KAZN: variants seen among roughly 807,000 people sequenced by gnomAD.
KAZN encodes the protein kazrin, periplakin interacting protein.
A neutral mutation model predicts 87.4 loss-of-function variants in KAZN; 40 were observed. The ratio of observed to expected loss-of-function variants is 0.46; its 90% CI spans 0.36 to 0.60. The LOEUF (loss-of-function observed/expected upper bound fraction) is 0.60, where lower values mean the gene tolerates loss of function less well. Ranked by LOEUF, KAZN falls within the 20% of genes least tolerant of loss-of-function variation. The pLI is 0.00. For synonymous variants in KAZN, 466 were observed against 458.3 expected (o/e 1.02, Z -0.22); for missense variants, 898 against 1,073.9 (o/e 0.84, Z 2.29).
intron 1 of KAZN, among the ~76,000 whole-genome samples, chr1:14,602,852 T>C (rs1572025843): frequency 6.6e-6 from 1 of 152,256 alleles, no homozygotes; most frequent in African/African-American, 2.4e-5. Context: ...TGTATTTGTA[T>C]TCCTATGCAA....
At chr1:14,975,997 A>G (rs1176926804) in intron 2 of KAZN, among the ~76,000 whole-genome samples, 2 of 139,434 alleles carry the variant, frequency 1.4e-5, no homozygotes, top group Non-Finnish European at 1.5e-5. Flanking sequence ...ATGCCACTGC[A>G]CTCCAGCCTG....
At chr1:14,153,372 A>G (rs1422509781) in intron 1 of KAZN, among the ~76,000 whole-genome samples, 2 of 152,194 alleles carry the variant, frequency 1.3e-5, no homozygotes, top group Non-Finnish European at 2.9e-5. Context: ...CCATTTTCGT[A>G]TATGTTGAGA....
intron 2 of KAZN, among the ~76,000 whole-genome samples, chr1:14,553,213 GA>G (rs1673650471): frequency 6.6e-6 from 1 of 151,998 alleles, no homozygotes; most frequent in Non-Finnish European, 1.5e-5. Flanking sequence ...TGTCTCTACT[GA>G]AAACACAAAA....
At chr1:14,055,118 A>G (rs1304916177) in intron 1 of KAZN, among the ~76,000 whole-genome samples, 1 of 152,242 alleles carries the variant, frequency 6.6e-6, no homozygotes, top group Non-Finnish European at 1.5e-5. Context: ...TCTTTGGTTA[A>G]GAACCATCGG....
chr1:13,973,876 C>T (rs1261439432), intron 1 of KAZN, among the ~76,000 whole-genome samples: 2 of 152,170 alleles, frequency 1.3e-5, no homozygotes, highest in African/African-American at 2.4e-5. Flanking sequence ...TTAAGTAGAC[C>T]CCTGCATCGG....
In KAZN at chr1:14,237,369, T is replaced by C. The variant is rs550975146; in HGVS notation, c.249+56777T>C. ...GCCCAGCTGGCCCCTGAGTACCAAT[T>C]GCTTAGGAAACAAATTGCAAAGAGA... On this transcript the variant is annotated intron_variant, in intron 2 of 16. Coordinates refer to the KAZN transcript ENST00000636203. Among the ~76,000 whole-genome samples the C allele has an allele frequency of 4.9e-3, 749 of 152,254 alleles. 2 individuals carry two copies. The highest frequency in any genetic ancestry group is 8.6e-3 in the Non-Finnish European group (586 of 68,006).
intron 1 of KAZN, among the ~76,000 whole-genome samples, chr1:14,891,066 G>A (rs1428234298): frequency 7.4e-5 from 11 of 149,506 alleles, no homozygotes; most frequent in South Asian, 2.1e-4. Flanking sequence ...GGATGGTCTC[G>A]ATCTCCTGAC....
At chr1:14,542,186 T>C (rs926237234) in intron 2 of KAZN, among the ~76,000 whole-genome samples, 8 of 149,002 alleles carry the variant, frequency 5.4e-5, no homozygotes, top group African/African-American at 2.0e-4. Context: ...AACTAGGGTA[T>C]AACAAGGACA....
At chr1:14,403,940 G>GAA (rs60985549) in intron 2 of KAZN, among the ~76,000 whole-genome samples, 1 of 151,678 alleles carries the variant, frequency 6.6e-6, no homozygotes, top group African/African-American at 2.4e-5. Flanking sequence ...TGCGCAGAGA[G>GAA]GTCCCGGAGA....
At chr1:14,902,588 G>C (rs1180966689) in intron 1 of KAZN, among the ~76,000 whole-genome samples, 2 of 152,090 alleles carry the variant, frequency 1.3e-5, no homozygotes, top group Non-Finnish European at 2.9e-5. Flanking sequence ...TATTCAGCTA[G>C]AGCCAGAAAA....
chr1:13,930,087 T>C (rs1640450016), intron 1 of KAZN, among the ~76,000 whole-genome samples: 1 of 152,200 alleles, frequency 6.6e-6, no homozygotes, highest in Non-Finnish European at 1.5e-5. Flanking sequence ...CTGTTTGCCA[T>C]GTGACTTTGC....
At chr1:14,845,437 A>G (rs1055164564) in intron 1 of KAZN, among the ~76,000 whole-genome samples, 1 of 150,134 alleles carries the variant, frequency 6.7e-6, no homozygotes, top group East Asian at 2.0e-4. Context: ...GGGTGGATGG[A>G]CGGATGAGTA....
chr1:14,423,834 TCTC>T (rs903283557), intron 2 of KAZN, among the ~76,000 whole-genome samples: 36 of 152,156 alleles, frequency 2.4e-4, no homozygotes, highest in African/African-American at 8.2e-4. Context: ...AGATACAAAT[TCTC>T]CTCTGAGAAG....
chr1:14,868,405 A>T (rs1373771693), intron 1 of KAZN, among the ~76,000 whole-genome samples: 1 of 152,188 alleles, frequency 6.6e-6, no homozygotes, highest in East Asian at 1.9e-4. Flanking sequence ...GAGCCATTTT[A>T]TAGATGGGGA....
At chr1:14,527,280 G>A (rs1361336087) in intron 2 of KAZN, among the ~76,000 whole-genome samples, 4 of 152,212 alleles carry the variant, frequency 2.6e-5, no homozygotes, top group African/African-American at 9.6e-5. Context: ...GCCGGGCGCT[G>A]TGGCTTACGC....
Position 14,563,848 on chromosome 1 carries a change from T to C in KAZN, c.250-35135T>C, listed in dbSNP as rs180826905. Among the ~76,000 whole-genome samples the C allele has an allele frequency of 3.2e-4, 48 of 148,808 alleles. 1 individual carries two copies. Among genetic ancestry groups the C allele is most frequent in the African/African-American group, 1.1e-3 (45 of 40,854 alleles). ...CCAACATGAGGCCTTTGGTGCCTGA[T>C]TGCACTCAGAGTATGGTTCAAACTC... On this transcript the variant is annotated intron_variant, in intron 2 of 16. Transcript: ENST00000636203.
intron 1 of KAZN, among the ~76,000 whole-genome samples, chr1:13,960,596 G>A (rs1641713158): frequency 6.6e-6 from 1 of 152,152 alleles, no homozygotes; most frequent in Admixed American, 6.5e-5. Context: ...AGCATGAATG[G>A]CATGAATGCA....
At chr1:14,472,051 G>A (rs553988888) in intron 2 of KAZN, among the ~76,000 whole-genome samples, 4 of 152,132 alleles carry the variant, frequency 2.6e-5, no homozygotes, top group Non-Finnish European at 4.4e-5. Flanking sequence ...GAGGGCTCAC[G>A]TTCTGCTTCA....
intron 2 of KAZN, among the ~76,000 whole-genome samples, chr1:14,558,990 A>C (rs1233495966): frequency 6.6e-6 from 1 of 151,930 alleles, no homozygotes. Context: ...CTGCCCTTTG[A>C]TCTTGCCCAT....
Sources: allele counts gnomAD v4.1 joint callset (sites outside exome capture counted in the v4.1 genomes callset), GRCh38; gene constraint gnomAD v4.1.1; transcripts MANE v1.5; gene names NCBI Gene and HGNC (gene_info 2026-07-23, HGNC 2026-07-21).